PLPPR1: variants seen among roughly 807,000 people sequenced by gnomAD.
The protein encoded by PLPPR1 is phospholipid phosphatase related 1.
A neutral mutation model predicts 33.1 loss-of-function variants in PLPPR1; 10 were observed. That is an observed-to-expected ratio of 0.30 (90% CI 0.19 to 0.51). PLPPR1 has a LOEUF of 0.51. PLPPR1 is among the 20% of genes least tolerant of loss of function. The pLI, the probability that PLPPR1 is intolerant of heterozygous loss-of-function variation, is 0.97. For synonymous variants in PLPPR1, 151 were observed against 151.0 expected (o/e 1.00, Z 0.00); for missense variants, 304 against 408.1 (o/e 0.74, Z 2.20).
intron 1 of PLPPR1, among the ~76,000 whole-genome samples, chr9:101,068,189 A>G (rs1401500689): frequency 2.0e-5 from 3 of 152,122 alleles, no homozygotes; most frequent in Non-Finnish European, 4.4e-5. Flanking sequence ...TAACTGAATT[A>G]ATTATACTAA....
intron 4 of PLPPR1, among the ~76,000 whole-genome samples, chr9:101,293,672 T>C (rs892620566): frequency 1.3e-5 from 2 of 152,092 alleles, no homozygotes; most frequent in Non-Finnish European, 2.9e-5. Context: ...CTCAACTACA[T>C]GGAAACTGAA....
At chr9:101,292,126 G>A (rs554094972) in intron 4 of PLPPR1, among the ~76,000 whole-genome samples, 37 of 152,278 alleles carry the variant, frequency 2.4e-4, no homozygotes, top group Middle Eastern at 3.4e-3. Context: ...GCCAAGGCTC[G>A]AGAACTACGT....
chr9:101,292,942 T>C (rs1828543238), intron 4 of PLPPR1, among the ~76,000 whole-genome samples: 1 of 151,772 alleles, frequency 6.6e-6, no homozygotes, highest in South Asian at 2.1e-4. Context: ...AGGATCAAAT[T>C]CACACATAAC....
chr9:101,269,742 T>C, intron 2 of PLPPR1, 138 bp from the exon 3 acceptor site: 1 of 770,676 alleles, frequency 1.3e-6, no homozygotes, highest in Non-Finnish European at 2.2e-6. Context: ...CAGAGCACGC[T>C]GCGCCTGGCA....
intron 1 of PLPPR1, among the ~76,000 whole-genome samples, chr9:101,094,207 GT>G (rs1476393281): frequency 6.6e-6 from 1 of 152,156 alleles, no homozygotes; most frequent in Non-Finnish European, 1.5e-5. Flanking sequence ...ATGGGCTTAT[GT>G]CTAATCTCCT....
chr9:101,289,790 T>C (rs905341324), intron 4 of PLPPR1, among the ~76,000 whole-genome samples: 1 of 152,238 alleles, frequency 6.6e-6, no homozygotes, highest in East Asian at 1.9e-4. Context: ...CTCTTTGCTT[T>C]GTAAATCGCC....
intron 1 of PLPPR1, among the ~76,000 whole-genome samples, chr9:101,117,063 T>C (rs1362116635): frequency 6.6e-6 from 1 of 152,052 alleles, no homozygotes; most frequent in Admixed American, 6.6e-5. Flanking sequence ...TCTTCATCCC[T>C]CTGCAACCCT....
chr9:101,128,936 A>T (rs1228696908), intron 1 of PLPPR1, among the ~76,000 whole-genome samples: 1 of 152,208 alleles, frequency 6.6e-6, no homozygotes, highest in Non-Finnish European at 1.5e-5. Context: ...CTATTCTTAG[A>T]AGCTAAACCT....
chr9:101,196,901 G>A (rs1450979961), intron 2 of PLPPR1, among the ~76,000 whole-genome samples: 1 of 152,164 alleles, frequency 6.6e-6, no homozygotes, highest in Admixed American at 6.5e-5. Context: ...TTAGCCTCGT[G>A]AGGAAATATT....
intron 1 of PLPPR1, among the ~76,000 whole-genome samples, chr9:101,072,180 A>T (rs1830489431): frequency 6.6e-6 from 1 of 152,048 alleles, no homozygotes; most frequent in Non-Finnish European, 1.5e-5. Flanking sequence ...TTTGCCTCTC[A>T]TTTTTGCAAA....
chr9:101,102,024 T>C (rs1830907228), intron 1 of PLPPR1, among the ~76,000 whole-genome samples: 1 of 151,650 alleles, frequency 6.6e-6, no homozygotes. Flanking sequence ...ATGTTTCTAG[T>C]AATTTTTATG....
At chr9:101,206,589 A>G (rs1826591726) in intron 2 of PLPPR1, among the ~76,000 whole-genome samples, 1 of 152,068 alleles carries the variant, frequency 6.6e-6, no homozygotes, top group African/African-American at 2.4e-5. Context: ...AGAGGTGGGG[A>G]TGGAGGACAG....
chr9:101,317,611 T>C, intron 7 of PLPPR1, 115 bp downstream of exon 7: 1 of 1,061,042 alleles, frequency 9.4e-7, no homozygotes, highest in Non-Finnish European at 1.3e-6. Flanking sequence ...CTGATTAATT[T>C]ATTGTAAAGG....
chr9:101,259,309 C>T (rs977018870), intron 2 of PLPPR1, among the ~76,000 whole-genome samples: 47 of 152,074 alleles, frequency 3.1e-4, no homozygotes, highest in African/African-American at 1.1e-3. Flanking sequence ...GGACTCTATT[C>T]GAATGGTAGG....
At chr9:101,281,658 G>A (rs966039230) in intron 3 of PLPPR1, among the ~76,000 whole-genome samples, 7 of 151,850 alleles carry the variant, frequency 4.6e-5, no homozygotes, top group Non-Finnish European at 8.8e-5. Context: ...ATGAAGAGTT[G>A]CTTTTTTGAA....
intron 2 of PLPPR1, among the ~76,000 whole-genome samples, chr9:101,268,034 C>T (rs1828029997): frequency 6.6e-6 from 1 of 151,914 alleles, no homozygotes; most frequent in Non-Finnish European, 1.5e-5. Context: ...TGTTCTCACT[C>T]ATAGGTGAGA....
intron 1 of PLPPR1, among the ~76,000 whole-genome samples, chr9:101,130,276 C>T (rs953466690): frequency 2.6e-5 from 4 of 152,160 alleles, no homozygotes; most frequent in Non-Finnish European, 4.4e-5. Flanking sequence ...GTGAGAAGCT[C>T]CTGCTTTGAG....
intron 1 of PLPPR1, among the ~76,000 whole-genome samples, chr9:101,130,304 G>A (rs117358232): frequency 0.01 from 1,568 of 152,232 alleles, 10 homozygotes; most frequent in Middle Eastern, 0.02. Flanking sequence ...CACAGATGAC[G>A]CTGAGCAGAT....
intron 1 of PLPPR1, among the ~76,000 whole-genome samples, chr9:101,149,763 A>G (rs985162469): frequency 6.6e-6 from 1 of 152,162 alleles, no homozygotes; most frequent in Non-Finnish European, 1.5e-5. Context: ...TTTGGAGTTC[A>G]GCAACATCAT....
Sources: allele counts gnomAD v4.1 joint callset (sites outside exome capture counted in the v4.1 genomes callset), GRCh38; gene constraint gnomAD v4.1.1; transcripts MANE v1.5; gene names NCBI Gene and HGNC (gene_info 2026-07-23, HGNC 2026-07-21).